PTPRD: variants seen among roughly 807,000 people sequenced by gnomAD.
PTPRD encodes protein tyrosine phosphatase receptor type D.
In PTPRD, 34 loss-of-function variants were observed where a neutral mutation model predicts 214.5. The observed-to-expected ratio is 0.16, with a 90% confidence interval of 0.12 to 0.21. PTPRD has a LOEUF of 0.21. Ranked by LOEUF, PTPRD falls within the 10% of genes least tolerant of loss-of-function variation. The pLI is 1.00. For missense variants in PTPRD, 2,545 were observed against 2,398.7 expected (o/e 1.06, Z -1.27); for synonymous variants, 1,128 against 845.7 (o/e 1.33, Z -5.79).
At chr9:9,185,557 G>A (rs181626014) in intron 9 of PTPRD, among the ~76,000 whole-genome samples, 6 of 152,160 alleles carry the variant, frequency 3.9e-5, no homozygotes, top group Admixed American at 3.3e-4. Flanking sequence ...CTTAAGCAAC[G>A]GACTTTAGAG....
chr9:10,342,420 G>A (rs1219892830), intron 2 of PTPRD, among the ~76,000 whole-genome samples: 2 of 152,026 alleles, frequency 1.3e-5, no homozygotes, highest in Non-Finnish European at 2.9e-5. Flanking sequence ...GATAAAACAT[G>A]TCTTAATTCA....
intron 3 of PTPRD, among the ~76,000 whole-genome samples, chr9:10,080,773 C>G (rs2154188904): frequency 6.6e-6 from 1 of 152,172 alleles, no homozygotes; most frequent in Admixed American, 6.6e-5. Context: ...TGATAAAATA[C>G]TATTTTATGC....
At chr9:10,342,043 G>C (rs2096950678) in intron 2 of PTPRD, among the ~76,000 whole-genome samples, 1 of 151,932 alleles carries the variant, frequency 6.6e-6, no homozygotes, top group South Asian at 2.1e-4. Flanking sequence ...TGTGGTTCTT[G>C]GAATAAATTG....
intron 2 of PTPRD, among the ~76,000 whole-genome samples, chr9:10,484,099 T>G (rs1464069667): frequency 6.6e-6 from 1 of 152,002 alleles, no homozygotes; most frequent in African/African-American, 2.4e-5. Context: ...ACACACACCA[T>G]GGAATACTGC....
chr9:9,927,133 A>G (rs1338493186), intron 5 of PTPRD, among the ~76,000 whole-genome samples: 2 of 152,300 alleles, frequency 1.3e-5, no homozygotes, highest in East Asian at 1.9e-4. Flanking sequence ...ATACTTAACC[A>G]GTATAAAATA....
At chr9:8,868,430 C>G (rs2098237444) in intron 11 of PTPRD, among the ~76,000 whole-genome samples, 1 of 152,056 alleles carries the variant, frequency 6.6e-6, no homozygotes, top group South Asian at 2.1e-4. Flanking sequence ...TCTCGAAATC[C>G]TGGCCTCAAG....
intron 2 of PTPRD, among the ~76,000 whole-genome samples, chr9:10,551,880 C>T (rs2061439121): frequency 6.6e-6 from 1 of 152,270 alleles, no homozygotes; most frequent in Non-Finnish European, 1.5e-5. Context: ...AGACTTGAAA[C>T]ATGCTGTCTT....
At chr9:9,900,701 A>G (rs2153807449) in intron 5 of PTPRD, among the ~76,000 whole-genome samples, 1 of 145,922 alleles carries the variant, frequency 6.9e-6, no homozygotes, top group South Asian at 2.2e-4. Context: ...CAGTGGCACG[A>G]TCTTGGCTCA....
chr9:9,993,317 A>G (rs968684123), intron 4 of PTPRD, among the ~76,000 whole-genome samples: 1 of 152,242 alleles, frequency 6.6e-6, no homozygotes, highest in African/African-American at 2.4e-5. Context: ...TCCAAAGAGC[A>G]AACGATAAAC....
Position 9,640,560 on chromosome 9 carries a change from A to T in PTPRD, c.-286-65779T>A, listed in dbSNP as rs111813713. Among the ~76,000 whole-genome samples, 738 of 152,344 alleles carry T rather than the reference A, an allele frequency of 4.8e-3. 3 individuals are homozygous for T. The highest frequency in any genetic ancestry group is 8.2e-3 in the Non-Finnish European group (559 of 68,032). ...GTGGAACAGAATCATAACTGATAAA[A>T]TGTGGAAGAACTTTTAAATATATGT... On this transcript the variant is annotated intron_variant, in intron 7 of 45. Transcript: ENST00000381196.
intron 11 of PTPRD, among the ~76,000 whole-genome samples, chr9:8,831,057 G>T (rs570544686): frequency 2.0e-4 from 30 of 152,084 alleles, no homozygotes; most frequent in Non-Finnish European, 4.3e-4. Flanking sequence ...GAAAATCTGT[G>T]GACTTAGAAG....
At chr9:8,640,346 T>C (rs1274233841) in intron 12 of PTPRD, among the ~76,000 whole-genome samples, 1 of 151,942 alleles carries the variant, frequency 6.6e-6, no homozygotes, top group Non-Finnish European at 1.5e-5. Context: ...TGAAACTCCA[T>C]CTCAAAAATA....
chr9:10,017,775 T>G (rs968470852), intron 4 of PTPRD, among the ~76,000 whole-genome samples: 1 of 152,168 alleles, frequency 6.6e-6, no homozygotes, highest in African/African-American at 2.4e-5. Context: ...ATTATATTTA[T>G]TTAATATTTT....
rs1382025279 is a variant in PTPRD, at chr9:10,021,436, CT to C, written c.-472+12281del. 1.3e-4 allele frequency among the ~76,000 whole-genome samples: 2 copies of C among 15,788 alleles called. 1 individual carries two copies. Among genetic ancestry groups the C allele is most frequent in the Admixed American group, 6.8e-4 (2 of 2,950 alleles). 10.4% of individuals were successfully genotyped at this position (15,788 alleles called of 152,430 possible). ...ATCAATACAATATTAGTTTCTTTTT[CT>C]TTTTTCTTTGACGGAGTCTTGCTCT... On this transcript the variant is annotated intron_variant, in intron 4 of 45. Transcript: ENST00000381196.
chr9:9,869,103 T>C (rs1429504553), intron 5 of PTPRD, among the ~76,000 whole-genome samples: 1 of 152,146 alleles, frequency 6.6e-6, no homozygotes, highest in Non-Finnish European at 1.5e-5. Flanking sequence ...ATGAAAAATG[T>C]ATGAAATTCA....
chr9:8,724,609 G>A (rs901601540), intron 12 of PTPRD, among the ~76,000 whole-genome samples: 2 of 152,092 alleles, frequency 1.3e-5, no homozygotes, highest in Admixed American at 6.5e-5. Context: ...TTTTGAACAA[G>A]GTTTATGGAG....
At chr9:9,117,488 T>G (rs983158985) in intron 10 of PTPRD, among the ~76,000 whole-genome samples, 7 of 152,192 alleles carry the variant, frequency 4.6e-5, no homozygotes, top group African/African-American at 1.7e-4. Context: ...TTTAAAATCA[T>G]TTTATAATTG....
intron 12 of PTPRD, among the ~76,000 whole-genome samples, chr9:8,679,019 C>T (rs1358869329): frequency 3.3e-5 from 5 of 152,148 alleles, no homozygotes; most frequent in African/African-American, 1.2e-4. Context: ...TCAGGAATTT[C>T]TGAGTTAAAC....
chr9:8,646,983 C>T (rs532374881), intron 12 of PTPRD, among the ~76,000 whole-genome samples: 84 of 152,232 alleles, frequency 5.5e-4, no homozygotes, highest in African/African-American at 1.8e-3. Flanking sequence ...TATAGTTTGG[C>T]GAATTAGCTA....
Sources: allele counts gnomAD v4.1 joint callset (sites outside exome capture counted in the v4.1 genomes callset), GRCh38; gene constraint gnomAD v4.1.1; transcripts MANE v1.5; gene names NCBI Gene and HGNC (gene_info 2026-07-23, HGNC 2026-07-21).